INVS: variants seen among roughly 807,000 people sequenced by gnomAD.
INVS encodes the protein inversin, also known as inversion of embryo turning homolog.
Under a neutral mutation model 108.8 loss-of-function variants are expected in INVS, and 86 were observed. That is an observed-to-expected ratio of 0.79 (90% CI 0.66 to 0.95). The LOEUF (loss-of-function observed/expected upper bound fraction) is 0.95, where lower values mean the gene tolerates loss of function less well. INVS is among the 40% of genes least tolerant of loss of function. The pLI, the probability that INVS is intolerant of heterozygous loss-of-function variation, is 0.00. For synonymous variants in INVS, 455 were observed against 473.5 expected, an observed-to-expected ratio of 0.96 and a Z score of 0.51; for missense variants, 1,169 against 1,297.4, an observed-to-expected ratio of 0.90 and a Z score of 1.52.
chr9:100,229,713 G>A lies in INVS; in HGVS notation c.501G>A (p.Leu167=), dbSNP rs767884283. Residue 167 remains leucine, a synonymous_variant, in exon 5 of 17, where the codon CTG becomes CTA. Coordinates refer to ENST00000262457, the MANE Select transcript of INVS (RefSeq NM_014425.5). ...ACAATAACCCTGAGCATGTGAAGCTGCTCATCAAGCATGATTCTAACATTG... is the reference window on the plus strand; with the variant it reads ...ACAATAACCCTGAGCATGTGAAGCTACTCATCAAGCATGATTCTAACATTG... The part of the protein sequence containing the change: ...AYYNNPEHVK[L]LIKHDSNIGI... 3.1e-6 allele frequency: 5 copies of A among 1,613,944 alleles called. No homozygotes were observed. Among genetic ancestry groups the A allele is most frequent in the Non-Finnish European group, 4.2e-6 (5 of 1,179,962 alleles).
chr9:100,256,909 T>C (rs1275050276), intron 10 of INVS, among the ~76,000 whole-genome samples: 2 of 152,202 alleles, frequency 1.3e-5, no homozygotes, highest in African/African-American at 2.4e-5. Flanking sequence ...GAGAGTTCTG[T>C]AGATGTCTAT....
At chr9:100,299,589 C>CACACACACACACACAG (rs1564196601) in intron 16 of INVS, among the ~76,000 whole-genome samples, 2 of 100,728 alleles carry the variant, frequency 2.0e-5, no homozygotes, top group African/African-American at 8.4e-5. Flanking sequence ...CACACACACA[C>CACACACACACACACAG]AGCCTTGCAA....
rs1021661276 is a variant in INVS at position 100,301,974 on chromosome 9, C to T, written c.*1300C>T. 2.5e-6 allele frequency: 1 copy of T among 395,082 alleles called. No individual in the cohort carries two copies. Among genetic ancestry groups the T allele is most frequent in the Non-Finnish European group, 4.5e-6 (1 of 221,540 alleles). The allele number at this position is 395,082 out of a possible 1,614,324, so 24.5% of individuals were successfully genotyped here. On this transcript the variant is annotated 3_prime_UTR_variant, in exon 17 of 17. Coordinates refer to ENST00000262457, the MANE Select transcript of INVS (RefSeq NM_014425.5). ...CTCCTATGAAATGCACAATGCACAA[C>T]CGCCTATGACCATGTATCGTGTGCT...
At chr9:100,138,982 A>T (rs1447189337) in intron 3 of INVS, among the ~76,000 whole-genome samples, 1 of 152,214 alleles carries the variant, frequency 6.6e-6, no homozygotes, top group Non-Finnish European at 1.5e-5. Context: ...CTGGGATTAC[A>T]GGCGTGAGCC....
At chr9:100,299,834 A>T (rs891565903) in intron 16 of INVS, among the ~76,000 whole-genome samples, 8 of 152,240 alleles carry the variant, frequency 5.3e-5, no homozygotes, top group Admixed American at 4.6e-4. Flanking sequence ...TGACAACTCC[A>T]TTCAAGATAC....
At chr9:100,230,613 G>T (rs1216585803) in intron 5 of INVS, among the ~76,000 whole-genome samples, 1 of 152,102 alleles carries the variant, frequency 6.6e-6, no homozygotes, top group Non-Finnish European at 1.5e-5. Flanking sequence ...CCACCTCCCA[G>T]GTTTAAGCAA....
chr9:100,210,116 A>G (rs1210133991), intron 3 of INVS, among the ~76,000 whole-genome samples: 1 of 152,160 alleles, frequency 6.6e-6, no homozygotes, highest in Non-Finnish European at 1.5e-5. Context: ...GTGCCCCTCT[A>G]CAGAGTTCTT....
At position 100,226,125 on chromosome 9, in the gene INVS, G is replaced by A. The variant is rs747572974; in HGVS notation, c.337G>A (p.Glu113Lys). The A allele has an allele frequency of 8.7e-6, 14 of 1,613,744 alleles. No individual in the cohort carries two copies. Among genetic ancestry groups the A allele is most frequent in the Non-Finnish European group, 1.2e-5 (14 of 1,179,854 alleles). ...AGCAAACTGGATGCAAAAGGATCTG[G>A]AAGAGATGACTCCTTTGCACTTGAC... ...RRANWMQKDL[E>K]EMTPLHLTTR... is the part of the protein sequence containing the mutation. Residue 113 changes from glutamate (E) to lysine (K), a missense_variant, in exon 4 of 17, where the codon GAA becomes AAA. By Grantham distance (56) the Glu-to-Lys change is moderately conservative (BLOSUM62 1). Coordinates refer to ENST00000262457, the MANE Select transcript of INVS (RefSeq NM_014425.5).
At chr9:100,223,998 C>T (rs1220107181) in intron 3 of INVS, among the ~76,000 whole-genome samples, 1 of 152,008 alleles carries the variant, frequency 6.6e-6, no homozygotes, top group Non-Finnish European at 1.5e-5. Flanking sequence ...GAATTGTCTT[C>T]GGCCATACAT....
At position 100,240,176 on chromosome 9, in the gene INVS, A is replaced by C; in HGVS notation, c.732A>C (p.Glu244Asp). The C allele has an allele frequency of 6.2e-7, 1 of 1,613,952 alleles. No individual in the cohort carries two copies. Among genetic ancestry groups the C allele is most frequent in the East Asian group, 2.2e-5 (1 of 44,870 alleles). ...VTVVDVLTSY[E>D]SCNITSYDNL... ...TGGTTGATGTCTTGACCTCATATGA[A>C]AGCTGCAATATAACGTCTTATGATA... The change falls in exon 6 of 17, where the codon GAA (glutamate) becomes GAC (aspartate). Residue 244 changes from glutamate (E) to aspartate (D), a missense_variant. Physicochemically the swap from Glu to Asp is conservative, Grantham distance 45. Coordinates refer to ENST00000262457, the MANE Select transcript of INVS (RefSeq NM_014425.5).
intron 3 of INVS, among the ~76,000 whole-genome samples, chr9:100,222,671 T>A (rs1163546356): frequency 6.6e-6 from 1 of 152,186 alleles, no homozygotes; most frequent in Non-Finnish European, 1.5e-5. Context: ...TCCCTTTTCC[T>A]CTAATTTCCA....
Position 100,300,692 on chromosome 9 carries a change from C to T in INVS, c.*18C>T, listed in dbSNP as rs1833940962. On this transcript the variant is annotated 3_prime_UTR_variant, in exon 17 of 17. Transcript: ENST00000262457. ...AACCTTGACTGCCTATGGAGGAAGACTGTGTTCGGGGGAGCTGGCATAGCT... is the reference window on the plus strand; with the variant it reads ...AACCTTGACTGCCTATGGAGGAAGATTGTGTTCGGGGGAGCTGGCATAGCT... 7 of 1,552,038 alleles carry T rather than the reference C, an allele frequency of 4.5e-6. No homozygotes were observed. Among genetic ancestry groups the T allele is most frequent in the Non-Finnish European group, 6.2e-6 (7 of 1,124,820 alleles).
chr9:100,283,155 A>G (rs1833330805), intron 12 of INVS, among the ~76,000 whole-genome samples: 1 of 152,020 alleles, frequency 6.6e-6, no homozygotes, highest in African/African-American at 2.4e-5. Flanking sequence ...CATCTCTACA[A>G]AAAATTTAAA....
At chr9:100,152,411 T>A (rs1382587869) in intron 3 of INVS, among the ~76,000 whole-genome samples, 1 of 152,210 alleles carries the variant, frequency 6.6e-6, no homozygotes, top group Non-Finnish European at 1.5e-5. Context: ...AAATAGATAC[T>A]GCTTATAGAA....
At chr9:100,199,184 G>A (rs964342914) in intron 3 of INVS, among the ~76,000 whole-genome samples, 3 of 152,014 alleles carry the variant, frequency 2.0e-5, no homozygotes, top group East Asian at 1.9e-4. Flanking sequence ...TGCTACTAAT[G>A]TAGCCACTCC....
At chr9:100,148,135 C>G (rs934785823) in intron 3 of INVS, among the ~76,000 whole-genome samples, 3 of 151,878 alleles carry the variant, frequency 2.0e-5, no homozygotes, top group Non-Finnish European at 2.9e-5. Context: ...GATTGTGCCA[C>G]TACCCTCTAG....
At chr9:100,111,663 C>T (rs1340326169) in intron 2 of INVS, among the ~76,000 whole-genome samples, 1 of 152,218 alleles carries the variant, frequency 6.6e-6, no homozygotes, top group East Asian at 1.9e-4. Flanking sequence ...ACATCATAAG[C>T]TCTACGTTTG....
intron 16 of INVS, among the ~76,000 whole-genome samples, chr9:100,299,869 T>C (rs1833912250): frequency 6.6e-6 from 1 of 152,182 alleles, no homozygotes; most frequent in Non-Finnish European, 1.5e-5. Context: ...AAAACAATAG[T>C]TCACATTAAA....
chr9:100,198,322 A>G (rs1830440981), intron 3 of INVS, among the ~76,000 whole-genome samples: 2 of 59,388 alleles, frequency 3.4e-5, no homozygotes, highest in Admixed American at 2.8e-4. Flanking sequence ...TTTTGGAGAC[A>G]GTTTCACTCT....
Sources: gnomAD v4.1 joint callset for allele counts (sites outside exome capture counted in the v4.1 genomes callset) on GRCh38, gnomAD v4.1.1 for gene constraint, MANE v1.5 for transcripts, NCBI Gene and HGNC (gene_info 2026-07-23, HGNC 2026-07-21) for gene names.